The following CAMTA1 variants were observed in gnomAD, a reference collection of about 807,000 sequenced individuals.
CAMTA1 encodes the protein calmodulin-binding transcription activator 1.
Under a neutral mutation model 170.9 loss-of-function variants are expected in CAMTA1, and 27 were observed. That is an observed-to-expected ratio of 0.16 (90% CI 0.12 to 0.22). The LOEUF (loss-of-function observed/expected upper bound fraction) is 0.22. Ranked by LOEUF, CAMTA1 falls within the 10% of genes least tolerant of loss-of-function variation. The probability of loss-of-function intolerance (pLI) is 1.00; values close to 1 mark genes in which losing one functional copy is unlikely to be tolerated. For missense variants in CAMTA1, 1,619 were observed against 2,217.2 expected, an observed-to-expected ratio of 0.73 and a Z score of 5.42; for synonymous variants, 833 against 891.5, an observed-to-expected ratio of 0.93 and a Z score of 1.17.
intron 3 of CAMTA1, among the ~76,000 whole-genome samples, chr1:6,969,457 C>T (rs759640400): frequency 4.5e-4 from 68 of 152,136 alleles, no homozygotes; most frequent in Admixed American, 1.3e-3. Context: ...CCTGGTCCGG[C>T]TCCTCCCCCG....
intron 5 of CAMTA1, among the ~76,000 whole-genome samples, chr1:7,424,655 T>C (rs1045603484): frequency 6.6e-6 from 1 of 152,132 alleles, no homozygotes; most frequent in African/African-American, 2.4e-5. Flanking sequence ...CTCTCCTTCC[T>C]TCCTCTCAGT....
chr1:7,557,511 T>G (rs945633539), intron 6 of CAMTA1, among the ~76,000 whole-genome samples: 48 of 152,178 alleles, frequency 3.2e-4, no homozygotes, highest in African/African-American at 1.1e-3. Context: ...ATAGCCACTT[T>G]CTTTAGAGGT....
At chr1:7,241,695 G>T (rs1010081862) in intron 4 of CAMTA1, among the ~76,000 whole-genome samples, 1 of 152,188 alleles carries the variant, frequency 6.6e-6, no homozygotes, top group African/African-American at 2.4e-5. Context: ...GGAGTTGGGG[G>T]TGGAGAAAAT....
intron 5 of CAMTA1, among the ~76,000 whole-genome samples, chr1:7,416,201 T>G (rs558514359): frequency 7.6e-4 from 116 of 152,320 alleles, no homozygotes; most frequent in African/African-American, 2.6e-3. Context: ...TATTTTTTCC[T>G]TCATTTCAAC....
At chr1:7,297,841 A>G (rs1188497376) in intron 5 of CAMTA1, among the ~76,000 whole-genome samples, 3 of 152,166 alleles carry the variant, frequency 2.0e-5, no homozygotes, top group African/African-American at 4.8e-5. Flanking sequence ...CAATCCCTAC[A>G]AAGAGTAGCC....
intron 5 of CAMTA1, among the ~76,000 whole-genome samples, chr1:7,438,593 G>A (rs1046067849): frequency 2.6e-5 from 4 of 152,286 alleles, no homozygotes; most frequent in East Asian, 1.9e-4. Flanking sequence ...ACCCAGAGCC[G>A]TGGGAGGCCC....
At chr1:6,793,614 G>A (rs1180046138) in intron 1 of CAMTA1, among the ~76,000 whole-genome samples, 2 of 152,056 alleles carry the variant, frequency 1.3e-5, no homozygotes, top group East Asian at 3.9e-4. Flanking sequence ...AGATGTTTAA[G>A]TTCACTTAAT....
chr1:6,801,478 T>C (rs1643825607), intron 1 of CAMTA1, among the ~76,000 whole-genome samples: 1 of 152,134 alleles, frequency 6.6e-6, no homozygotes. Context: ...CTGATGAGGC[T>C]CCTGGCCCTT....
chr1:7,238,589 A>G (rs1664309791), intron 4 of CAMTA1, among the ~76,000 whole-genome samples: 1 of 152,188 alleles, frequency 6.6e-6, no homozygotes, highest in Admixed American at 6.5e-5. Context: ...TTCAGTTAAT[A>G]TTTACTGAGC....
intron 6 of CAMTA1, among the ~76,000 whole-genome samples, chr1:7,516,699 C>T (rs2094291697): frequency 6.6e-6 from 1 of 152,178 alleles, no homozygotes; most frequent in Admixed American, 6.5e-5. Flanking sequence ...TGGTCACACC[C>T]ACAAGAGACC....
intron 3 of CAMTA1, among the ~76,000 whole-genome samples, chr1:6,981,046 C>T (rs534512808): frequency 5.3e-5 from 8 of 152,010 alleles, no homozygotes; most frequent in South Asian, 2.1e-4. Flanking sequence ...ACTGAGGGTA[C>T]GTGCTGGCAC....
chr1:7,340,417 C>T (rs557438934), intron 5 of CAMTA1, among the ~76,000 whole-genome samples: 59 of 152,172 alleles, frequency 3.9e-4, no homozygotes, highest in African/African-American at 1.4e-3. Context: ...AGGAGCAATA[C>T]GAAGCAGGAC....
At position 6,905,308 on chromosome 1, in the gene CAMTA1, C is replaced by T. The variant is rs192563897; in HGVS notation, c.234+80098C>T. The stretch of plus-strand genomic sequence containing the variant: ...TCCCGGGTTCGAGCAATTCTCCTGC[C>T]TCAGCCTCCTGAGTAGGTAGGATTA... On this transcript the variant is annotated intron_variant, in intron 3 of 22. Coordinates refer to ENST00000303635, the MANE Select transcript of CAMTA1 (RefSeq NM_015215.4). Among the ~76,000 whole-genome samples the T allele has an allele frequency of 2.6e-3, 396 of 151,670 alleles. 1 individual carries two copies. The highest frequency in any genetic ancestry group is 9.3e-3 in the African/African-American group (383 of 41,274).
intron 6 of CAMTA1, among the ~76,000 whole-genome samples, chr1:7,530,093 C>G (rs2094473965): frequency 6.6e-6 from 1 of 152,284 alleles, no homozygotes; most frequent in Middle Eastern, 3.4e-3. Context: ...ACAGCCCTTG[C>G]TACCCTCCCT....
intron 6 of CAMTA1, among the ~76,000 whole-genome samples, chr1:7,542,879 G>GTGTGTGTGTGTGTTTT (rs1459264062): frequency 1.4e-5 from 2 of 138,288 alleles, no homozygotes; most frequent in East Asian, 4.3e-4. Flanking sequence ...GTGTGTGTGT[G>GTGTGTGTGTGTGTTTT]TTTGAGCCGG....
chr1:7,569,427 A>T (rs528290257), intron 6 of CAMTA1, among the ~76,000 whole-genome samples: 1 of 151,270 alleles, frequency 6.6e-6, no homozygotes, highest in Admixed American at 6.6e-5. Context: ...CATCACTACC[A>T]CCATCACCAT....
intron 4 of CAMTA1, among the ~76,000 whole-genome samples, chr1:7,111,310 G>A (rs1558117058): frequency 6.6e-6 from 1 of 152,214 alleles, no homozygotes; most frequent in Non-Finnish European, 1.5e-5. Context: ...TCGGGGATTA[G>A]GACATGGACA....
intron 5 of CAMTA1, among the ~76,000 whole-genome samples, chr1:7,366,607 TG>T: frequency 6.6e-6 from 1 of 152,364 alleles, no homozygotes; most frequent in Non-Finnish European, 1.5e-5. Context: ...ATGATAACAT[TG>T]AGCTCTTCCC....
At chr1:6,905,345 A>C (rs992036781) in intron 3 of CAMTA1, among the ~76,000 whole-genome samples, 1 of 151,874 alleles carries the variant, frequency 6.6e-6, no homozygotes, top group African/African-American at 2.4e-5. Flanking sequence ...AGGTGTGCGC[A>C]ACCACACCTG....
Sources: allele counts gnomAD v4.1 joint callset (sites outside exome capture counted in the v4.1 genomes callset), GRCh38; gene constraint gnomAD v4.1.1; transcripts MANE v1.5; gene names NCBI Gene and HGNC (gene_info 2026-07-23, HGNC 2026-07-21).